Variants in PHLPP1 observed in about 807,000 individuals in gnomAD.
PHLPP1 encodes the protein PH domain leucine-rich repeat-containing protein phosphatase 1.
A neutral mutation model predicts 117.2 loss-of-function variants in PHLPP1; 42 were observed. That is an observed-to-expected ratio of 0.36 (90% CI 0.28 to 0.46). The LOEUF (loss-of-function observed/expected upper bound fraction) is 0.46. Ranked by LOEUF, PHLPP1 falls within the 20% of genes least tolerant of loss-of-function variation. The pLI is 1.00. For missense variants in PHLPP1, 2,084 were observed against 2,241.9 expected, an observed-to-expected ratio of 0.93 and a Z score of 1.42; for synonymous variants, 1,042 against 970.7, an observed-to-expected ratio of 1.07 and a Z score of -1.37.
chr18:62,962,959 T>C (rs1910808718), intron 13 of PHLPP1, among the ~76,000 whole-genome samples: 1 of 152,216 alleles, frequency 6.6e-6, no homozygotes, highest in Non-Finnish European at 1.5e-5. Flanking sequence ...CTAAATGCAG[T>C]ATAATTGTGG....
intron 4 of PHLPP1, among the ~76,000 whole-genome samples, chr18:62,863,923 T>A (rs1475067984): frequency 6.6e-6 from 1 of 152,202 alleles, no homozygotes. Context: ...ACCCAGCCCC[T>A]ATTCAAGATG....
chr18:62,851,554 G>A (rs1049349740), intron 3 of PHLPP1, among the ~76,000 whole-genome samples: 3 of 152,042 alleles, frequency 2.0e-5, no homozygotes, highest in Non-Finnish European at 2.9e-5. Context: ...TCCGCCTCCC[G>A]GATTCAAGAG....
intron 4 of PHLPP1, among the ~76,000 whole-genome samples, chr18:62,886,583 T>C (rs1189563943): frequency 1.3e-5 from 2 of 152,162 alleles, no homozygotes; most frequent in East Asian, 3.9e-4. Flanking sequence ...CTTTGCACTT[T>C]GTTATAGGGC....
chr18:62,945,386 C>G, intron 12 of PHLPP1, 115 bp downstream of exon 12: 1 of 795,290 alleles, frequency 1.3e-6, no homozygotes, highest in South Asian at 2.4e-5. Context: ...AATGAAGGCC[C>G]CCATTAGCCC....
intron 12 of PHLPP1, among the ~76,000 whole-genome samples, chr18:62,952,878 T>C (rs1001462860): frequency 3.3e-5 from 5 of 152,086 alleles, no homozygotes; most frequent in Admixed American, 2.6e-4. Flanking sequence ...CACAACGGTC[T>C]CCCAAAGTGC....
At chr18:62,725,654 A>G (rs1406306955) in intron 1 of PHLPP1, among the ~76,000 whole-genome samples, 3 of 152,120 alleles carry the variant, frequency 2.0e-5, no homozygotes, top group African/African-American at 4.8e-5. Flanking sequence ...GAGAGAGAGA[A>G]AGAAATATCC....
At chr18:62,872,649 G>A (rs1488203692) in intron 4 of PHLPP1, among the ~76,000 whole-genome samples, 1 of 151,922 alleles carries the variant, frequency 6.6e-6, no homozygotes, top group Non-Finnish European at 1.5e-5. Flanking sequence ...CAGAGATCGC[G>A]CCACTGGACT....
Position 62,716,445 on chromosome 18 carries a change from C to T in PHLPP1, c.762C>T (p.Ala254=), listed in dbSNP as rs572170268. ...VVKVLGQGPG[A]AAAREPAEPP... is the part of the protein sequence containing the mutation. ...AGGTGCTGGGCCAGGGGCCCGGAGC[C>T]GCCGCCGCCCGGGAGCCCGCTGAAC... is the stretch of plus-strand genomic sequence containing the variant. The change falls in exon 1 of 17, where the codon GCC becomes GCT. Residue 254 remains alanine, a synonymous_variant. Coordinates refer to ENST00000262719, the MANE Select transcript of PHLPP1 (RefSeq NM_194449.4). This position sits in a 1 kb window ranked among gnomAD's most constrained non-coding sequence, Gnocchi z 5.7. The T allele has an allele frequency of 2.3e-6, 3 of 1,308,320 alleles. No homozygotes were observed. In the South Asian group the frequency reaches 6.7e-5, roughly 29 times the overall value. 81.0% of individuals were successfully genotyped at this position (1,308,320 alleles called of 1,614,324 possible). A position where few individuals can be genotyped will look rare whatever the true frequency, so the allele number is the denominator to read the frequency against.
At chr18:62,804,222 C>T (rs1040757230) in intron 1 of PHLPP1, among the ~76,000 whole-genome samples, 9 of 152,032 alleles carry the variant, frequency 5.9e-5, no homozygotes, top group Admixed American at 2.6e-4. Flanking sequence ...ACTCACTCAC[C>T]ATCATGAGAA....
At chr18:62,975,077 C>CA (rs1211502378) in intron 15 of PHLPP1, among the ~76,000 whole-genome samples, 3 of 152,094 alleles carry the variant, frequency 2.0e-5, no homozygotes, top group Non-Finnish European at 4.4e-5. Context: ...GCTGATAGGG[C>CA]AGTGTGGTTG....
chr18:62,852,806 T>C (rs1409809837), intron 3 of PHLPP1, among the ~76,000 whole-genome samples: 2 of 152,198 alleles, frequency 1.3e-5, no homozygotes, highest in Non-Finnish European at 2.9e-5. Context: ...AATCATCACA[T>C]TAATGTTACT....
chr18:62,830,981 T>C (rs1914743007), intron 2 of PHLPP1, among the ~76,000 whole-genome samples: 1 of 152,218 alleles, frequency 6.6e-6, no homozygotes, highest in Non-Finnish European at 1.5e-5. Flanking sequence ...TCAGTGGGGT[T>C]AGCATTTTTA....
intron 10 of PHLPP1, among the ~76,000 whole-genome samples, chr18:62,937,223 G>T (rs765472817): frequency 6.6e-6 from 1 of 152,218 alleles, no homozygotes; most frequent in African/African-American, 2.4e-5. Flanking sequence ...GCCAAGGAGA[G>T]CAGAGCAATT....
At chr18:62,839,053 G>T in intron 3 of PHLPP1, 144 bp downstream of exon 3, 2 of 838,494 alleles carry the variant, frequency 2.4e-6, no homozygotes, top group Non-Finnish European at 1.8e-6. Context: ...GCAATTTTTA[G>T]TTTTTTAAAA....
rs139026389 is a variant in PHLPP1 at position 62,794,825 on chromosome 18, T to C, written c.1577-35210T>C. Among the ~76,000 whole-genome samples the C allele has an allele frequency of 2.3e-3, 354 of 152,286 alleles. 2 individuals carry two copies. The highest frequency in any genetic ancestry group is 5.0e-4 in the Non-Finnish European group (34 of 68,022). On this transcript the variant is annotated intron_variant, in intron 1 of 16. Transcript: ENST00000262719. ...GCCCTTGTTATGTAAATGCTCCAAG[T>C]GGACTCTGTAGTGTGGTGTTTTCAG...
chr18:62,924,264 A>C (rs1332611411), intron 10 of PHLPP1, among the ~76,000 whole-genome samples: 1 of 152,192 alleles, frequency 6.6e-6, no homozygotes, highest in East Asian at 1.9e-4. Context: ...AAATCTTAAA[A>C]ATATGGAAAT....
intron 1 of PHLPP1, among the ~76,000 whole-genome samples, chr18:62,763,891 G>T (rs116858591): frequency 6.6e-6 from 1 of 151,956 alleles, no homozygotes; most frequent in African/African-American, 2.4e-5. Flanking sequence ...AGCTGGGTGC[G>T]GTGGCTCACA....
chr18:62,847,316 C>G (rs1915205398), intron 3 of PHLPP1, among the ~76,000 whole-genome samples: 1 of 152,056 alleles, frequency 6.6e-6, no homozygotes, highest in Non-Finnish European at 1.5e-5. Flanking sequence ...ACTCTTCTGT[C>G]TTTTCTTTGT....
intron 1 of PHLPP1, among the ~76,000 whole-genome samples, chr18:62,827,933 A>G (rs535502364): frequency 6.6e-6 from 1 of 152,236 alleles, no homozygotes; most frequent in South Asian, 2.1e-4. Flanking sequence ...ATAGAGCTGC[A>G]TAAATGTGAC....
Sources: gnomAD v4.1 joint callset for allele counts (sites outside exome capture counted in the v4.1 genomes callset) on GRCh38, gnomAD v4.1.1 for gene constraint, Gnocchi (gnomAD v3.1) non-coding constraint, MANE v1.5 for transcripts, NCBI Gene and HGNC (gene_info 2026-07-23, HGNC 2026-07-21) for gene names.